The following ASCC3 variants were observed in gnomAD, a reference collection of about 807,000 sequenced individuals.
ASCC3 encodes ASC-1 complex subunit P200.
Under a neutral mutation model 256.3 loss-of-function variants are expected in ASCC3, and 158 were observed. The observed-to-expected ratio is 0.62, with a 90% CI of 0.54 to 0.70. The LOEUF (loss-of-function observed/expected upper bound fraction) is 0.70, where lower values mean the gene tolerates loss of function less well. ASCC3 is among the 30% of genes least tolerant of loss of function. The probability of loss-of-function intolerance (pLI) is 0.00; values close to 1 mark genes in which losing one functional copy is unlikely to be tolerated. For synonymous variants in ASCC3, 948 were observed against 883.4 expected (o/e 1.07, Z -1.30); for missense variants, 2,259 against 2,626.0 (o/e 0.86, Z 3.05).
intron 10 of ASCC3, among the ~76,000 whole-genome samples, chr6:100,728,917 G>A (rs1447878690): frequency 1.3e-5 from 2 of 152,102 alleles, no homozygotes; most frequent in Non-Finnish European, 2.9e-5. Flanking sequence ...ATCAGAAAAA[G>A]TCATGCCAAT....
intron 4 of ASCC3, among the ~76,000 whole-genome samples, chr6:100,840,771 G>T (rs560491530): frequency 2.6e-5 from 4 of 152,024 alleles, no homozygotes; most frequent in African/African-American, 9.6e-5. Context: ...CAAAATATTT[G>T]CAGTGATTAT....
chr6:100,691,154 A>G (rs757598893), intron 13 of ASCC3, among the ~76,000 whole-genome samples: 1 of 152,090 alleles, frequency 6.6e-6, no homozygotes, highest in Non-Finnish European at 1.5e-5. Context: ...ACAAGTAGTC[A>G]TATTTCTAAG....
chr6:100,806,889 C>T (rs968800985), intron 4 of ASCC3, among the ~76,000 whole-genome samples: 5 of 151,856 alleles, frequency 3.3e-5, no homozygotes. Context: ...CTATGATAGG[C>T]ATTTTGCTAA....
intron 19 of ASCC3, 143 bp downstream of exon 19, chr6:100,651,417 G>T: frequency 2.8e-6 from 1 of 359,344 alleles, no homozygotes. Flanking sequence ...TAGGACAGTG[G>T]GTCTTATTGT....
intron 37 of ASCC3, among the ~76,000 whole-genome samples, chr6:100,518,423 C>G (rs1275364313): frequency 6.6e-6 from 1 of 152,066 alleles, no homozygotes; most frequent in Non-Finnish European, 1.5e-5. Context: ...AGCATTAAAA[C>G]AAAGATAAAA....
chr6:100,623,818 G>A (rs1218589588), intron 30 of ASCC3, among the ~76,000 whole-genome samples: 2 of 151,976 alleles, frequency 1.3e-5, no homozygotes, highest in Non-Finnish European at 2.9e-5. Flanking sequence ...GAATCATAAA[G>A]GATCATACTA....
At chr6:100,868,672 T>C (rs1225814939) in intron 1 of ASCC3, among the ~76,000 whole-genome samples, 9 of 152,252 alleles carry the variant, frequency 5.9e-5, no homozygotes, top group Non-Finnish European at 1.2e-4. Context: ...AAGATCTCTA[T>C]TTTACTAATC....
intron 1 of ASCC3, 96 bp downstream of exon 1, chr6:100,880,965 G>A (rs1302226790): frequency 6.6e-6 from 1 of 152,230 alleles, no homozygotes; most frequent in Non-Finnish European, 1.5e-5. Flanking sequence ...AATCTCTGGC[G>A]GGTCGCGTAG....
intron 10 of ASCC3, among the ~76,000 whole-genome samples, chr6:100,728,219 T>TA (rs1055620029): frequency 2.6e-5 from 4 of 151,154 alleles, no homozygotes; most frequent in African/African-American, 4.9e-5. Context: ...TCATATTTAA[T>TA]AAAAAAACAC....
Position 100,752,024 on chromosome 6 carries a change from T to C in ASCC3, c.1737+14541A>G, listed in dbSNP as rs182332127. On this transcript the variant is annotated intron_variant, in intron 10 of 41. Transcript: ENST00000369162. Reference sequence around the variant, plus strand: ...ATTTCTTTCATTATATTACTGATTGTTCTTTTTTATAGGAGTCCTTGGGAA... The same window carrying C: ...ATTTCTTTCATTATATTACTGATTGCTCTTTTTTATAGGAGTCCTTGGGAA... Among the ~76,000 whole-genome samples, 223 of 152,290 alleles carry C rather than the reference T, an allele frequency of 1.5e-3. 1 individual carries two copies. The highest frequency in any genetic ancestry group is 5.2e-3 in the African/African-American group (217 of 41,568).
At chr6:100,656,520 A>G (rs1775922919) in intron 16 of ASCC3, among the ~76,000 whole-genome samples, 1 of 151,666 alleles carries the variant, frequency 6.6e-6, no homozygotes, top group Non-Finnish European at 1.5e-5. Context: ...CATTTGAACC[A>G]TAATAAACAG....
chr6:100,575,271 A>G (rs1337647891), intron 36 of ASCC3, among the ~76,000 whole-genome samples: 1 of 151,814 alleles, frequency 6.6e-6, no homozygotes, highest in Non-Finnish European at 1.5e-5. Flanking sequence ...TGTCCTTTTT[A>G]TTTAGTTTTA....
chr6:100,770,478 A>C (rs1781862616), intron 8 of ASCC3, among the ~76,000 whole-genome samples: 1 of 146,156 alleles, frequency 6.8e-6, no homozygotes, highest in African/African-American at 2.6e-5. Context: ...ATTGTACTGG[A>C]GTGCAATTGG....
At chr6:100,580,958 C>A (rs1215799161) in intron 36 of ASCC3, among the ~76,000 whole-genome samples, 1 of 152,112 alleles carries the variant, frequency 6.6e-6, no homozygotes, top group Non-Finnish European at 1.5e-5. Context: ...ATATGTGCCA[C>A]ATTTTCTTAA....
At chr6:100,869,822 AAAC>A (rs1472995291) in intron 1 of ASCC3, among the ~76,000 whole-genome samples, 1 of 152,212 alleles carries the variant, frequency 6.6e-6, no homozygotes, top group Non-Finnish European at 1.5e-5. Flanking sequence ...ATCTTCCTGC[AAAC>A]AACCAAACGT....
In ASCC3 at chr6:100,800,379, G is replaced by C; in HGVS notation, c.1048C>G (p.Arg350Gly). The change falls in exon 6 of 42, where the codon CGA (arginine) becomes GGA (glycine). Residue 350 changes from arginine (R) to glycine (G), a missense_variant. Arg to Gly is a moderately radical substitution (Grantham distance 125). This residue lies in a region of ASCC3 where 420 missense variants were observed against 419.3 expected (regional missense o/e 1.00). Transcript: ENST00000369162. The part of the protein sequence containing the change: ...YRREEKRIAR[R>G]EKKAGEDLEV... ...AAATCTTCTCCAGCCTTTTTTTCTC[G>C]TCTGGCAATTCTTTTTTCTTCACGT... The C allele has an allele frequency of 6.2e-7, 1 of 1,612,580 alleles. No individual in the cohort carries two copies. The highest frequency in any genetic ancestry group is 8.5e-7 in the Non-Finnish European group (1 of 1,179,260).
At chr6:100,548,717 G>C (rs1769125292) in intron 36 of ASCC3, among the ~76,000 whole-genome samples, 1 of 151,868 alleles carries the variant, frequency 6.6e-6, no homozygotes, top group South Asian at 2.1e-4. Context: ...TGAAGGAAAA[G>C]GCATTCAAAC....
At chr6:100,742,692 C>G (rs1582794382) in intron 10 of ASCC3, among the ~76,000 whole-genome samples, 1 of 152,190 alleles carries the variant, frequency 6.6e-6, no homozygotes, top group Non-Finnish European at 1.5e-5. Flanking sequence ...GACCTTTCTT[C>G]ATCTAGACCA....
intron 30 of ASCC3, among the ~76,000 whole-genome samples, chr6:100,608,132 ATATGTATATATAT>A: frequency 7.8e-6 from 1 of 127,666 alleles, no homozygotes; most frequent in South Asian, 2.3e-4. Flanking sequence ...ATATACATAT[ATATGTATATATAT>A]CTATATATAC....
Sources: allele counts gnomAD v4.1 joint callset (sites outside exome capture counted in the v4.1 genomes callset), GRCh38; gene constraint gnomAD v4.1.1; regional missense constraint gnomAD v4.1.1; transcripts MANE v1.5; gene names NCBI Gene and HGNC (gene_info 2026-07-23, HGNC 2026-07-21).